BMPER: variants seen among roughly 807,000 people sequenced by gnomAD.
BMPER encodes BMP-binding endothelial regulator protein.
Under a neutral mutation model 87.3 loss-of-function variants are expected in BMPER, and 45 were observed. That is an observed-to-expected ratio of 0.52 (90% CI 0.41 to 0.66). The LOEUF is 0.66. Ranked by LOEUF, BMPER falls within the 30% of genes least tolerant of loss-of-function variation. BMPER has a pLI of 0.00. For missense variants in BMPER, 784 were observed against 867.5 expected, an observed-to-expected ratio of 0.90 and a Z score of 1.21; for synonymous variants, 326 against 316.2, an observed-to-expected ratio of 1.03 and a Z score of -0.33.
chr7:34,034,762 G>A (rs1229088550), intron 6 of BMPER, among the ~76,000 whole-genome samples: 7 of 152,202 alleles, frequency 4.6e-5, no homozygotes, highest in Admixed American at 2.6e-4. Flanking sequence ...GGCATCTGTG[G>A]TACTGAACTT....
intron 3 of BMPER, among the ~76,000 whole-genome samples, chr7:33,959,009 G>A (rs1199465180): frequency 2.6e-5 from 4 of 152,106 alleles, no homozygotes; most frequent in African/African-American, 4.8e-5. Flanking sequence ...CCCTGGACAC[G>A]CTCTCTCTCC....
Position 34,153,175 on chromosome 7 carries a change from C to G in BMPER, c.1960C>G (p.Pro654Ala), listed in dbSNP as rs769190465. 4 of 1,614,006 alleles carry G rather than the reference C, an allele frequency of 2.5e-6. No homozygotes were observed. The highest frequency in any genetic ancestry group is 3.4e-6 in the Non-Finnish European group (4 of 1,179,920). ...KTCDNWNEIG[P>A]CNKPCVAGCH... ...GTGTGACAACTGGAATGAAATTGGT[C>G]CATGCAACAAGCCGTGCGTTGCTGG... Residue 654 changes from proline to alanine, a missense_variant, in exon 15 of 15, where the codon CCA becomes GCA. Coordinates refer to ENST00000649409, the MANE Select transcript of BMPER (RefSeq NM_001365308.1).
At chr7:34,151,622 G>C (rs1192652992) in intron 14 of BMPER, among the ~76,000 whole-genome samples, 2 of 152,136 alleles carry the variant, frequency 1.3e-5, no homozygotes, top group African/African-American at 4.8e-5. Context: ...CCCTCTGCTG[G>C]TATATCAGAC....
At chr7:34,096,989 C>G (rs1419890705) in intron 13 of BMPER, among the ~76,000 whole-genome samples, 2 of 152,210 alleles carry the variant, frequency 1.3e-5, no homozygotes, top group African/African-American at 2.4e-5. Context: ...AGTCCTCTAG[C>G]TCACAGAGCT....
At chr7:33,956,647 G>A (rs566560178) in intron 3 of BMPER, among the ~76,000 whole-genome samples, 1 of 151,966 alleles carries the variant, frequency 6.6e-6, no homozygotes, top group South Asian at 2.1e-4. Context: ...CTCCACCTAC[G>A]TTAATGTGAT....
chr7:34,010,011 G>T (rs1786836363), intron 6 of BMPER, among the ~76,000 whole-genome samples: 1 of 151,836 alleles, frequency 6.6e-6, no homozygotes, highest in Non-Finnish European at 1.5e-5. Flanking sequence ...CCTTATGCTG[G>T]TGTCAGTGGG....
At chr7:34,080,823 A>G (rs770563466) in intron 12 of BMPER, among the ~76,000 whole-genome samples, 15 of 152,220 alleles carry the variant, frequency 9.9e-5, no homozygotes, top group Non-Finnish European at 1.8e-4. Context: ...GAGGTTCGAT[A>G]GTGTTCCATT....
intron 10 of BMPER, among the ~76,000 whole-genome samples, chr7:34,059,337 C>T (rs1788370625): frequency 6.6e-6 from 1 of 151,946 alleles, no homozygotes; most frequent in Non-Finnish European, 1.5e-5. Context: ...TCCAGCTTCA[C>T]TTGAATTCTG....
intron 3 of BMPER, among the ~76,000 whole-genome samples, chr7:33,940,682 G>A (rs1784729397): frequency 6.6e-6 from 1 of 151,976 alleles, no homozygotes; most frequent in African/African-American, 2.4e-5. Context: ...GAGCCTGCAT[G>A]CTCATGCTGA....
At chr7:34,011,731 C>G (rs1786887480) in intron 6 of BMPER, among the ~76,000 whole-genome samples, 1 of 151,464 alleles carries the variant, frequency 6.6e-6, no homozygotes, top group East Asian at 2.0e-4. Context: ...TAGAAAAGAC[C>G]ATTACTTTGC....
chr7:33,996,700 G>A (rs191855982), intron 6 of BMPER, among the ~76,000 whole-genome samples: 13 of 152,202 alleles, frequency 8.5e-5, no homozygotes, highest in East Asian at 3.9e-4. Context: ...TGGTAGCTGC[G>A]TTACTGTAAG....
At chr7:33,924,081 A>T (rs1045214346) in intron 2 of BMPER, among the ~76,000 whole-genome samples, 4 of 152,020 alleles carry the variant, frequency 2.6e-5, no homozygotes, top group Non-Finnish European at 4.4e-5. Flanking sequence ...CTGAATGGAG[A>T]TCTCCTTTGT....
At chr7:34,113,444 T>A (rs1031218812) in intron 13 of BMPER, among the ~76,000 whole-genome samples, 1 of 150,246 alleles carries the variant, frequency 6.7e-6, no homozygotes, top group African/African-American at 2.4e-5. Context: ...ACACATAAAT[T>A]TTCTTCAAGT....
intron 14 of BMPER, among the ~76,000 whole-genome samples, chr7:34,152,485 C>G (rs899788664): frequency 6.6e-5 from 10 of 152,154 alleles, no homozygotes; most frequent in African/African-American, 2.4e-4. Flanking sequence ...TGTGACGTGG[C>G]AACATCATCA....
At chr7:34,094,711 G>A (rs966083477) in intron 13 of BMPER, among the ~76,000 whole-genome samples, 2 of 152,210 alleles carry the variant, frequency 1.3e-5, no homozygotes, top group African/African-American at 4.8e-5. Context: ...TCCCCCATGT[G>A]TAAAAGGGGA....
At chr7:34,127,545 C>A (rs1324600246) in intron 13 of BMPER, among the ~76,000 whole-genome samples, 1 of 152,112 alleles carries the variant, frequency 6.6e-6, no homozygotes, top group Admixed American at 6.6e-5. Context: ...TACCACCACA[C>A]CACTCCCTGG....
intron 13 of BMPER, among the ~76,000 whole-genome samples, chr7:34,132,868 A>G (rs757448927): frequency 7.2e-5 from 11 of 152,190 alleles, no homozygotes; most frequent in Non-Finnish European, 1.6e-4. Context: ...CCCTGATGGT[A>G]TTACCACCTC....
intron 13 of BMPER, among the ~76,000 whole-genome samples, chr7:34,131,472 G>A (rs1385742314): frequency 6.6e-6 from 1 of 152,184 alleles, no homozygotes; most frequent in Non-Finnish European, 1.5e-5. Flanking sequence ...GCCGCCCTTT[G>A]ATTAATGCAC....
intron 3 of BMPER, among the ~76,000 whole-genome samples, chr7:33,940,497 G>A (rs770534146): frequency 1.8e-4 from 27 of 152,294 alleles, no homozygotes; most frequent in South Asian, 4.1e-4. Context: ...AGATCTGAGT[G>A]TTCACCCAAT....
Sources: gnomAD v4.1 joint callset for allele counts (sites outside exome capture counted in the v4.1 genomes callset) on GRCh38, gnomAD v4.1.1 for gene constraint, MANE v1.5 for transcripts, NCBI Gene and HGNC (gene_info 2026-07-23, HGNC 2026-07-21) for gene names.